ARSB: variants seen among roughly 807,000 people sequenced by gnomAD.
ARSB encodes arylsulfatase B.
ARSB carries 41 observed loss-of-function variants against 50.9 expected under a neutral mutation model. The observed-to-expected ratio is 0.81, with a 90% CI of 0.63 to 1.04. The LOEUF (loss-of-function observed/expected upper bound fraction) is 1.04. ARSB is among the 50% of genes least tolerant of loss of function. The probability of loss-of-function intolerance (pLI) is 0.00; values close to 1 mark genes in which losing one functional copy is unlikely to be tolerated. For missense variants in ARSB, 672 were observed against 693.3 expected, an observed-to-expected ratio of 0.97 and a Z score of 0.35; for synonymous variants, 269 against 284.8, an observed-to-expected ratio of 0.94 and a Z score of 0.56.
intron 4 of ARSB, among the ~76,000 whole-genome samples, chr5:78,891,287 T>C (rs1177757656): frequency 1.3e-5 from 2 of 152,214 alleles, no homozygotes; most frequent in Admixed American, 6.5e-5. Context: ...CTATAGGAGC[T>C]GGCAAGGGGT....
At chr5:78,795,702 A>C (rs1743153681) in intron 6 of ARSB, among the ~76,000 whole-genome samples, 1 of 152,214 alleles carries the variant, frequency 6.6e-6, no homozygotes, top group Non-Finnish European at 1.5e-5. Context: ...AGCTAATCAG[A>C]AAAAGGTGAG....
chr5:78,857,155 C>A (rs1746190134), intron 5 of ARSB, among the ~76,000 whole-genome samples: 1 of 152,074 alleles, frequency 6.6e-6, no homozygotes, highest in Non-Finnish European at 1.5e-5. Flanking sequence ...TAAAATGAAA[C>A]ATTAATATTC....
chr5:78,847,409 G>A, intron 5 of ARSB, among the ~76,000 whole-genome samples: 1 of 152,148 alleles, frequency 6.6e-6, no homozygotes, highest in Non-Finnish European at 1.5e-5. Context: ...TTACAGGCAT[G>A]AGACACCACA....
In ARSB at chr5:78,885,655, G is replaced by T. The variant is rs1216502750; in HGVS notation, c.1071C>A (p.Leu357=). 2 of 1,614,100 alleles carry T rather than the reference G, an allele frequency of 1.2e-6. No individual in the cohort carries two copies. The highest frequency in any genetic ancestry group is 1.7e-6 in the Non-Finnish European group (2 of 1,180,034). The change falls in exon 5 of 8, where the codon CTC becomes CTA. Residue 357 remains leucine (L), a synonymous_variant. Transcript: ENST00000264914. The part of the protein sequence containing the change: ...LIHISDWLPT[L]VKLARGHTNG... Reference sequence around the variant, plus strand: ...TGGTGTGTCCCCTGGCCAGCTTCACGAGTGTTGGCAGCCAGTCAGAGATGT... The same window carrying T: ...TGGTGTGTCCCCTGGCCAGCTTCACTAGTGTTGGCAGCCAGTCAGAGATGT...
rs561990948 is a variant in ARSB, at chr5:78,777,969, T to G, written c.*2428A>C. The G allele has an allele frequency of 9.9e-5, 15 of 152,230 alleles. No individual in the cohort carries two copies. Among genetic ancestry groups the G allele is most frequent in the Admixed American group, 6.5e-4 (10 of 15,286 alleles). 9.4% of individuals were successfully genotyped at this position (152,230 alleles called of 1,614,324 possible). On this transcript the variant is annotated 3_prime_UTR_variant, in exon 8 of 8. Coordinates refer to ENST00000264914, the MANE Select transcript of ARSB (RefSeq NM_000046.5). ...CTAATGAAATACATTCTATTATGGA[T>G]AAACCAAAATCTCAAGTACTTGTTT...
intron 4 of ARSB, among the ~76,000 whole-genome samples, chr5:78,923,678 T>C (rs1176089047): frequency 2.0e-5 from 3 of 152,192 alleles, no homozygotes; most frequent in Admixed American, 6.5e-5. Flanking sequence ...AATGCTGCCA[T>C]TCAATAGTTT....
At chr5:78,938,564 A>G (rs770769390) in intron 4 of ARSB, among the ~76,000 whole-genome samples, 1 of 152,244 alleles carries the variant, frequency 6.6e-6, no homozygotes, top group African/African-American at 2.4e-5. Context: ...TAAGTGTCTG[A>G]AGAACCCAGT....
chr5:78,846,573 T>G (rs1462527682), intron 5 of ARSB, among the ~76,000 whole-genome samples: 4 of 152,210 alleles, frequency 2.6e-5, no homozygotes, highest in African/African-American at 9.7e-5. Flanking sequence ...CATATAGAAA[T>G]GCTACTGATT....
At chr5:78,852,989 G>T (rs1430597456) in intron 5 of ARSB, among the ~76,000 whole-genome samples, 3 of 152,074 alleles carry the variant, frequency 2.0e-5, no homozygotes, top group African/African-American at 4.8e-5. Flanking sequence ...TAACTTCTTT[G>T]CCTTTGGTTT....
Position 78,927,684 on chromosome 5 carries a change from G to T in ARSB, c.898+27611C>A, listed in dbSNP as rs1561506785. 2.6e-5 allele frequency among the ~76,000 whole-genome samples: 4 copies of T among 152,290 alleles called. No individual in the cohort carries two copies. The South Asian group carries it at 8.3e-4, about 32-fold the overall frequency. ...TGGCCTCTGATGCCACACTAGCTTG[G>T]AGAGACTGTATGCAGCTTCCTCAAA... On this transcript the variant is annotated intron_variant, in intron 4 of 7. Transcript: ENST00000264914.
At chr5:78,903,700 G>A (rs337863) in intron 4 of ARSB, among the ~76,000 whole-genome samples, 91,620 of 152,032 alleles carry the variant, frequency 0.6, 28,911 homozygotes, top group East Asian at 0.98. Context: ...CCATTTCATT[G>A]TTTATTCCAT....
chr5:78,937,291 A>G (rs1482066435), intron 4 of ARSB, among the ~76,000 whole-genome samples: 1 of 140,280 alleles, frequency 7.1e-6, no homozygotes, highest in Non-Finnish European at 1.5e-5. Flanking sequence ...TAAGATATAT[A>G]TATGTAAGAT....
chr5:78,804,250 T>C (rs1743490364), intron 6 of ARSB, among the ~76,000 whole-genome samples: 1 of 151,684 alleles, frequency 6.6e-6, no homozygotes, highest in Non-Finnish European at 1.5e-5. Flanking sequence ...TCAGTTTTTG[T>C]GGAAAAAAAA....
At chr5:78,929,792 CAAAAAAAAAA>C (rs11355138) in intron 4 of ARSB, among the ~76,000 whole-genome samples, 1 of 106,648 alleles carries the variant, frequency 9.4e-6, no homozygotes, top group Admixed American at 9.8e-5. Flanking sequence ...GACTCTGTCT[CAAAAAAAAAA>C]AAAAAAAAAG....
At chr5:78,929,917 A>C (rs1208332256) in intron 4 of ARSB, among the ~76,000 whole-genome samples, 1 of 152,138 alleles carries the variant, frequency 6.6e-6, no homozygotes, top group African/African-American at 2.4e-5. Flanking sequence ...TAACTGACTA[A>C]TTTCTGTTAC....
intron 6 of ARSB, among the ~76,000 whole-genome samples, chr5:78,816,763 C>T (rs1744007177): frequency 6.6e-6 from 1 of 152,206 alleles, no homozygotes; most frequent in Admixed American, 6.5e-5. Context: ...GTCAATGGGA[C>T]AAGAACTTGA....
intron 4 of ARSB, among the ~76,000 whole-genome samples, chr5:78,928,460 G>C (rs978546706): frequency 6.6e-6 from 1 of 151,808 alleles, no homozygotes; most frequent in Non-Finnish European, 1.5e-5. Flanking sequence ...GACTACAGGG[G>C]CATACCACCA....
chr5:78,922,553 G>C (rs1282580286), intron 4 of ARSB, among the ~76,000 whole-genome samples: 2 of 151,938 alleles, frequency 1.3e-5, no homozygotes, highest in African/African-American at 4.8e-5. Flanking sequence ...GCAATACCCA[G>C]GCAGTACTTG....
chr5:78,880,501 C>A (rs76496868), intron 5 of ARSB, among the ~76,000 whole-genome samples: 3,353 of 152,158 alleles, frequency 0.022, 113 homozygotes, highest in African/African-American at 0.075. Context: ...AAAGAAAAAT[C>A]AAAAATGATT....
Sources: gnomAD v4.1 joint callset for allele counts (sites outside exome capture counted in the v4.1 genomes callset) on GRCh38, gnomAD v4.1.1 for gene constraint, MANE v1.5 for transcripts, NCBI Gene and HGNC (gene_info 2026-07-23, HGNC 2026-07-21) for gene names.